The following CRB2 variants were observed in gnomAD, a reference collection of about 807,000 sequenced individuals.
CRB2 encodes the protein protein crumbs homolog 2.
A neutral mutation model predicts 110.9 loss-of-function variants in CRB2; 85 were observed. That is an observed-to-expected ratio of 0.77 (90% CI 0.64 to 0.92). The LOEUF is 0.92. Ranked by LOEUF, CRB2 falls within the 40% of genes least tolerant of loss-of-function variation. CRB2 has a pLI of 0.00. For missense variants in CRB2, 1,843 were observed against 1,851.3 expected (o/e 1.00, Z 0.08); for synonymous variants, 907 against 831.0 (o/e 1.09, Z -1.57).
chr9:123,374,771 G>A (rs2042078309), intron 11 of CRB2, 76 bp downstream of exon 11: 16 of 1,049,722 alleles, frequency 1.5e-5, no homozygotes, highest in South Asian at 1.0e-4. Context: ...GGGTGGGGCG[G>A]GGGTCCTCGC....
intron 2 of CRB2, among the ~76,000 whole-genome samples, chr9:123,364,175 G>A (rs1365450680): frequency 2.6e-5 from 4 of 152,216 alleles, no homozygotes; most frequent in South Asian, 4.1e-4. Flanking sequence ...GTGTCTCAGC[G>A]TCTGGGTGTA....
chr9:123,362,282 TACC>T (rs1332790239), intron 1 of CRB2, among the ~76,000 whole-genome samples: 2 of 152,158 alleles, frequency 1.3e-5, no homozygotes, highest in African/African-American at 4.8e-5. Flanking sequence ...GGGATGGAGT[TACC>T]AGACCCCTGG....
chr9:123,362,710 T>A (rs1434189832), intron 1 of CRB2, among the ~76,000 whole-genome samples, 155 bp from the exon 2 acceptor site: 2 of 151,856 alleles, frequency 1.3e-5, no homozygotes, highest in East Asian at 3.9e-4. Flanking sequence ...TGCAGCTTAC[T>A]GGGACCTGGC....
chr9:123,380,225 C>T (rs41312240), downstream of CRB2: 11 of 152,462 alleles, frequency 7.2e-5, no homozygotes, highest in South Asian at 2.1e-4. Context: ...CTTAAATGGT[C>T]GGGCCATACT....
chr9:123,360,357 A>G (rs2041853398), intron 1 of CRB2, among the ~76,000 whole-genome samples: 1 of 152,262 alleles, frequency 6.6e-6, no homozygotes, highest in East Asian at 1.9e-4. Context: ...ATTTGTAAAG[A>G]TAAGCACAGG....
At chr9:123,367,039 T>G in intron 4 of CRB2, 133 bp from the exon 5 acceptor site, 1 of 857,330 alleles carries the variant, frequency 1.2e-6, no homozygotes, top group Middle Eastern at 2.5e-4. Context: ...CGGCCCTTAG[T>G]GTGTCCCTCC....
Position 123,374,199 on chromosome 9 carries a change from G to C in CRB2, c.3389+279G>C, listed in dbSNP as rs1435155184. On this transcript the variant is annotated intron_variant, in intron 10 of 12. Transcript: ENST00000373631. ...GTTCATCCCTATTGGTGGCTGGTTG[G>C]GGTGGAGGGAGGGGGTCAGGCTTTG... 3 of 608,012 alleles carry C rather than the reference G, an allele frequency of 4.9e-6. No individual in the cohort carries two copies. The South Asian group carries it at 5.8e-5, about 12-fold the overall frequency. The allele number at this position is 608,012 out of a possible 1,614,324, so 37.7% of individuals were successfully genotyped here.
intron 8 of CRB2, 127 bp downstream of exon 8, chr9:123,371,705 C>T (rs2042019343): frequency 7.6e-7 from 1 of 1,307,436 alleles, no homozygotes; most frequent in Non-Finnish European, 1.1e-6. Flanking sequence ...GTGAAGTGAC[C>T]TGCCCAGGGT....
Position 123,373,491 on chromosome 9 carries a change from G to A in CRB2, c.2960G>A (p.Arg987His). 1.4e-6 allele frequency: 2 copies of A among 1,453,108 alleles called. No homozygotes were observed. Among genetic ancestry groups the A allele is most frequent in the Admixed American group, 2.8e-5 (1 of 36,120 alleles). The allele number at this position is 1,453,108 out of a possible 1,614,324, so 90.0% of individuals were successfully genotyped here. A position where few individuals can be genotyped will look rare whatever the true frequency, so the allele number is the denominator to read the frequency against. The change falls in exon 10 of 13, where the codon CGC becomes CAC. Residue 987 changes from arginine (R) to histidine (H), a missense_variant. Arg to His is a conservative substitution (Grantham distance 29). Transcript: ENST00000373631. ...LDGAATPVAL[R>H]GLASDLGFLQ... ...GGTGCCGCCACCCCGGTGGCGCTGCGCGGCCTGGCCAGTGACCTGGGCTTC... is the reference window on the plus strand; with the variant it reads ...GGTGCCGCCACCCCGGTGGCGCTGCACGGCCTGGCCAGTGACCTGGGCTTC...
intron 8 of CRB2, among the ~76,000 whole-genome samples, chr9:123,371,784 C>T (rs972826695): frequency 7.9e-5 from 12 of 152,188 alleles, no homozygotes; most frequent in East Asian, 1.9e-4. Context: ...TACCCTCTGG[C>T]GGTCCCCGTG....
chr9:123,364,327 G>T (rs1422077411), intron 2 of CRB2, among the ~76,000 whole-genome samples: 2 of 151,992 alleles, frequency 1.3e-5, no homozygotes, highest in Non-Finnish European at 2.9e-5. Flanking sequence ...TTCGGGCAGT[G>T]GGTTGTGTGG....
At chr9:123,363,365 G>A (rs2041891672) in intron 2 of CRB2, among the ~76,000 whole-genome samples, 177 bp downstream of exon 2, 1 of 152,192 alleles carries the variant, frequency 6.6e-6, no homozygotes, top group Admixed American at 6.5e-5. Context: ...GCAGCTCTGG[G>A]TGAGAGTATG....
At chr9:123,362,749 T>G (rs2041882303) in intron 1 of CRB2, 116 bp from the exon 2 acceptor site, 2 of 944,452 alleles carry the variant, frequency 2.1e-6, no homozygotes, top group African/African-American at 3.3e-5. Flanking sequence ...CTGTCCATAC[T>G]GTGCATGCAG....
At chr9:123,358,630 C>T (rs1027361969) in intron 1 of CRB2, among the ~76,000 whole-genome samples, 2 of 152,208 alleles carry the variant, frequency 1.3e-5, no homozygotes, top group Admixed American at 6.5e-5. Context: ...CTCCCAACAG[C>T]CTATGAAGTC....
In CRB2 at chr9:123,373,412, C is replaced by A. The variant is rs773253362; in HGVS notation, c.2881C>A (p.Leu961Met). 6.9e-7 allele frequency: 1 copy of A among 1,445,210 alleles called. No individual in the cohort carries two copies. Among genetic ancestry groups the A allele is most frequent in the Non-Finnish European group, 9.1e-7 (1 of 1,104,428 alleles). 89.5% of individuals were successfully genotyped at this position (1,445,210 alleles called of 1,614,324 possible). The change falls in exon 10 of 13, where the codon CTG becomes ATG. Residue 961 changes from leucine to methionine, a missense_variant. Transcript: ENST00000373631. ...VADGAWHRVRLAMERPAATTS... is the reference protein window; with the variant it reads ...VADGAWHRVRMAMERPAATTS... ...CGATGGTGCCTGGCACCGCGTGCGTCTGGCCATGGAGCGCCCGGCGGCCAC... is the reference window on the plus strand; with the variant it reads ...CGATGGTGCCTGGCACCGCGTGCGTATGGCCATGGAGCGCCCGGCGGCCAC...
chr9:123,373,831 C>A lies in CRB2; in HGVS notation c.3300C>A (p.Ser1100=). ...AAGCCCACGTCGACCCCTGTCACTC[C>A]GCCCCCTGCGCCCGTGGCCGCTGTC... ...RCEAHVDPCH[S]APCARGRCHT... The change falls in exon 10 of 13, where the codon TCC becomes TCA. Residue 1100 remains serine (S), a synonymous_variant. Transcript: ENST00000373631. 6.4e-7 allele frequency: 1 copy of A among 1,570,390 alleles called. No homozygotes were observed. Among genetic ancestry groups the A allele is most frequent in the East Asian group, 2.3e-5 (1 of 42,826 alleles).
At position 123,370,313 on chromosome 9, in the gene CRB2, C is replaced by G. The variant is rs1293913982; in HGVS notation, c.1260C>G (p.His420Gln). 6.2e-7 allele frequency: 1 copy of G among 1,613,636 alleles called. No individual in the cohort carries two copies. Among genetic ancestry groups the G allele is most frequent in the Non-Finnish European group, 8.5e-7 (1 of 1,180,036 alleles). ...TCCCTATCTTCGAGTCTGGGGTCCA[C>G]AGTTACGTCTGCCACTGCCCACCTG... ...TCIPIFESGV[H>Q]SYVCHCPPGT... The change falls in exon 7 of 13, where the codon CAC becomes CAG. Residue 420 changes from histidine (H) to glutamine (Q), a missense_variant. By Grantham distance (24) the His-to-Gln change is conservative. Coordinates refer to ENST00000373631, the MANE Select transcript of CRB2 (RefSeq NM_173689.7).
chr9:123,358,093 T>C (rs990137726), intron 1 of CRB2, among the ~76,000 whole-genome samples: 1 of 152,214 alleles, frequency 6.6e-6, no homozygotes, highest in Non-Finnish European at 1.5e-5. Flanking sequence ...ACTGCAGGCA[T>C]GACCATTTCT....
downstream of CRB2, chr9:123,380,132 C>T (rs977241418): frequency 6.6e-6 from 1 of 152,210 alleles, no homozygotes. Context: ...CCTGGGTAGA[C>T]TGTGTCTGAC....
Sources: allele counts gnomAD v4.1 joint callset (sites outside exome capture counted in the v4.1 genomes callset), GRCh38; gene constraint gnomAD v4.1.1; transcripts MANE v1.5; gene names NCBI Gene and HGNC (gene_info 2026-07-23, HGNC 2026-07-21).